The following ALG13 variants were observed in gnomAD, a reference collection of about 807,000 sequenced individuals.
ALG13 encodes UDP-N-acetylglucosamine transferase subunit ALG13.
In ALG13, 11 loss-of-function variants were observed where a neutral mutation model predicts 87.8. The ratio of observed to expected loss-of-function variants is 0.13; its 90% CI spans 0.08 to 0.21. ALG13 has a LOEUF of 0.21. Among genes scored for constraint, ALG13 ranks in the 10% least tolerant of loss-of-function variants. ALG13 has a pLI of 1.00. For missense variants in ALG13, 756 were observed against 866.1 expected (o/e 0.87, Z 1.60); for synonymous variants, 320 against 306.3 (o/e 1.04, Z -0.47).
chrX:111,744,469 A>G (rs1485571285), intron 23 of ALG13, among the ~76,000 whole-genome samples, 199 bp from the exon 24 acceptor site: 1 of 111,339 alleles, frequency 9.0e-6, no homozygotes, highest in Non-Finnish European at 1.9e-5. Context: ...TCTTAAATCA[A>G]AATGACCTGT....
intron 25 of ALG13, among the ~76,000 whole-genome samples, chrX:111,753,837 C>T (rs1164937760): frequency 9.0e-6 from 1 of 111,549 alleles, no homozygotes; most frequent in Non-Finnish European, 1.9e-5. Context: ...CCGAATTCTA[C>T]CAGAGGTACA....
intron 23 of ALG13, among the ~76,000 whole-genome samples, chrX:111,741,810 CAAAA>C (rs11311106): frequency 1.7e-5 from 1 of 57,313 alleles, no homozygotes; most frequent in African/African-American, 5.2e-5. Context: ...GACTTTGTCT[CAAAA>C]AAAAAAAAAA....
intron 19 of ALG13, among the ~76,000 whole-genome samples, chrX:111,729,699 T>C (rs775524421): frequency 8.9e-6 from 1 of 111,978 alleles, no homozygotes; most frequent in Non-Finnish European, 1.9e-5. Context: ...AACTGTCCGA[T>C]TGAGTATTGA....
rs372176416 is a variant in ALG13 at position 111,712,487 on chromosome X, A to T, written c.889A>T (p.Ser297Cys). The change falls in exon 7 of 27, where the codon AGT becomes TGT. Residue 297 changes from serine (S) to cysteine (C), a missense_variant. Transcript: ENST00000394780. ...YLERLGDPKE[S>C]AGQLEIRALS... ...TCAATACACTATTTATGTTTAGGAAAGTGCTGGCCAGCTGGAAATAAGAGC... is the reference window on the plus strand; with the variant it reads ...TCAATACACTATTTATGTTTAGGAATGTGCTGGCCAGCTGGAAATAAGAGC... 1.7e-6 allele frequency: 2 copies of T among 1,168,691 alleles called. No individual in the cohort carries two copies. Among genetic ancestry groups the T allele is most frequent in the Non-Finnish European group, 2.3e-6 (2 of 868,729 alleles).
At chrX:111,702,636 A>C (rs183799888) in intron 3 of ALG13, among the ~76,000 whole-genome samples, 1 of 110,444 alleles carries the variant, frequency 9.1e-6, no homozygotes, top group African/African-American at 3.3e-5. Context: ...GGAAATGCTT[A>C]TTTTCTAGTC....
In ALG13 at chrX:111,744,856, C is replaced by T. The variant is rs1172385892; in HGVS notation, c.2884C>T (p.Pro962Ser). The T allele has an allele frequency of 6.6e-6, 8 of 1,206,227 alleles. No homozygotes were observed. The highest frequency in any genetic ancestry group is 9.0e-6 in the Non-Finnish European group (8 of 893,343). Residue 962 changes from proline (P) to serine (S), a missense_variant, in exon 24 of 27, where the codon CCA becomes TCA. Pro to Ser is a moderately conservative substitution (Grantham distance 74, BLOSUM62 -1). Transcript: ENST00000394780. ...TSNLQPPPPL[P>S]PPPYSCDPSG... ...AAACTTACAACCACCACCACCACTA[C>T]CACCTCCACCTTATTCCTGTGATCC...
rs773345817 is a variant in ALG13, at chrX:111,717,541, CT to C, written c.1006-286del. Among the ~76,000 whole-genome samples the C allele has an allele frequency of 3.3e-3, 269 of 81,237 alleles. 1 individual carries two copies. Among genetic ancestry groups the C allele is most frequent in the South Asian group, 0.013 (24 of 1,806 alleles). The allele number at this position is 81,237 out of a possible 115,157, so 70.5% of individuals were successfully genotyped here. A position where few individuals can be genotyped will look rare whatever the true frequency, so the allele number is the denominator to read the frequency against. ...TCAATAACTCAATTTCTAAGTGTTC[CT>C]TTTTTTTTTTTTTTTTTTAGCAAAT... On this transcript the variant is annotated intron_variant, in intron 8 of 26. Coordinates refer to ENST00000394780, the MANE Select transcript of ALG13 (RefSeq NM_001099922.3).
rs1461394942 is a variant in ALG13, at chrX:111,682,198, C to T, written c.148C>T (p.Pro50Ser). 5.8e-6 allele frequency: 7 copies of T among 1,197,006 alleles called. No individual in the cohort carries two copies. The highest frequency in any genetic ancestry group is 2.3e-4 in the Middle Eastern group (1 of 4,323). The change falls in exon 2 of 27, where the codon CCC (proline) becomes TCC (serine). Residue 50 changes from proline to serine, a missense_variant. Physicochemically the swap from Pro to Ser is moderately conservative, Grantham distance 74. This residue lies in a region of ALG13 where 153 missense variants were observed against 168.7 expected (regional missense o/e 0.91). Transcript: ENST00000394780. ...QIGRGTVVPE[P>S]FSTESFTLDV... ...TGGTAGAGGAACGGTGGTACCTGAACCCTTCAGTACTGAGTCGTTTACTCT... is the reference window on the plus strand; with the variant it reads ...TGGTAGAGGAACGGTGGTACCTGAATCCTTCAGTACTGAGTCGTTTACTCT...
chrX:111,744,673 G>A lies in ALG13; in HGVS notation c.2701G>A (p.Ala901Thr). 1 of 1,184,626 alleles carries A rather than the reference G, an allele frequency of 8.4e-7. No homozygotes were observed. Among genetic ancestry groups the A allele is most frequent in the South Asian group, 1.9e-5 (1 of 53,868 alleles). The change falls in exon 24 of 27, where the codon GCC (alanine) becomes ACC (threonine). Residue 901 changes from alanine (A) to threonine (T), a missense_variant. Around this residue, in one of 9 missense-constraint regions of ALG13, gnomAD observed 362 missense variants for 383.5 expected, o/e 0.94. Coordinates refer to ENST00000394780, the MANE Select transcript of ALG13 (RefSeq NM_001099922.3). ...SPPTHGRPVI[A>T]SPSYPCHSAI... The stretch of plus-strand genomic sequence containing the variant: ...ATGTTTTGTTTCTTTGTTAGTGATT[G>A]CCTCACCATCCTATCCATGCCATTC...
rs1180608024 is a variant in ALG13, at chrX:111,736,783, G to A, written c.2599G>A (p.Gly867Ser). 9.1e-6 allele frequency: 11 copies of A among 1,208,485 alleles called. No individual in the cohort carries two copies. Among genetic ancestry groups the A allele is most frequent in the African/African-American group, 5.3e-5 (3 of 57,023 alleles). ...TGTTCCAGCTCCAGTCTTATCTAACGGTGCAGCGGCTAATCAAGCTATTAG... is the reference window on the plus strand; with the variant it reads ...TGTTCCAGCTCCAGTCTTATCTAACAGTGCAGCGGCTAATCAAGCTATTAG... ...NNVPAPVLSN[G>S]AAANQAISTT... The change falls in exon 23 of 27, where the codon GGT becomes AGT. Residue 867 changes from glycine to serine, a missense_variant. By Grantham distance (56) the Gly-to-Ser change is moderately conservative. Transcript: ENST00000394780.
chrX:111,738,130 A>G (rs142740723), intron 23 of ALG13, among the ~76,000 whole-genome samples: 486 of 112,775 alleles, frequency 4.3e-3, no homozygotes, highest in African/African-American at 0.015. Context: ...AAAGATATTA[A>G]TAATACAAAA....
In ALG13 at chrX:111,735,125, A is replaced by G. The variant is rs1943111596; in HGVS notation, c.2529+3A>G. 5 of 1,141,593 alleles carry G rather than the reference A, an allele frequency of 4.4e-6. No individual in the cohort carries two copies. The highest frequency in any genetic ancestry group is 4.8e-6 in the Non-Finnish European group (4 of 836,457). The allele number at this position is 1,141,593 out of a possible 1,213,427, so 94.1% of individuals were successfully genotyped here. On this transcript the variant is annotated splice_donor_region_variant and intron_variant, in intron 22 of 26. Transcript: ENST00000394780. ...CCTCATACAACTACCCCCAGAAGGT[A>G]ATCCTCATAGTGTTATTAAGCAGTT...
Position 111,718,175 on chromosome X carries a change from C to T in ALG13, c.1151C>T (p.Ala384Val), listed in dbSNP as rs1404130029. ...FVVDEEELKT[A>V]IKLFRSGSKK... ...GTGGATGAAGAAGAGTTGAAGACTG[C>T]GATTAAATTGTTTCGAAGTGGTTCT... The change falls in exon 10 of 27, where the codon GCG becomes GTG. Residue 384 changes from alanine (A) to valine (V), a missense_variant. Coordinates refer to ENST00000394780, the MANE Select transcript of ALG13 (RefSeq NM_001099922.3). 4 of 1,168,661 alleles carry T rather than the reference C, an allele frequency of 3.4e-6. No individual in the cohort carries two copies. The highest frequency in any genetic ancestry group is 3.4e-6 in the Non-Finnish European group (3 of 871,926).
chrX:111,706,923 C>CA (rs776803537), intron 3 of ALG13, among the ~76,000 whole-genome samples: 284 of 35,607 alleles, frequency 8.0e-3, no homozygotes, highest in East Asian at 0.014. Context: ...TCCACAGATA[C>CA]AAAAAAAAAA....
chrX:111,755,519 T>G (rs1945160625), intron 25 of ALG13, among the ~76,000 whole-genome samples: 1 of 112,348 alleles, frequency 8.9e-6, no homozygotes. Flanking sequence ...GAGAAAAGTT[T>G]TGCAATCTAT....
chrX:111,686,212 C>G, intron 3 of ALG13: 2 of 992,064 alleles, frequency 2.0e-6, no homozygotes, highest in Admixed American at 3.8e-5. Context: ...AAAACCTATC[C>G]TAGTTTGATG....
chrX:111,744,545 A>T, intron 23 of ALG13, 123 bp from the exon 24 acceptor site: 1 of 786,006 alleles, frequency 1.3e-6, no homozygotes, highest in Non-Finnish European at 1.8e-6. Context: ...AGTTTTTTTT[A>T]TACCCAAACC....
intron 21 of ALG13, among the ~76,000 whole-genome samples, chrX:111,734,632 A>T (rs1457502815): frequency 4.5e-5 from 5 of 111,960 alleles, no homozygotes; most frequent in Non-Finnish European, 9.4e-5. Flanking sequence ...GAATCTTACA[A>T]TATCTATTAA....
chrX:111,718,359 C>G, intron 10 of ALG13, 85 bp downstream of exon 10: 1 of 833,491 alleles, frequency 1.2e-6, no homozygotes, highest in Non-Finnish European at 1.7e-6. Context: ...GCCTGGCAAG[C>G]TTATGAGTTA....
Sources: allele counts gnomAD v4.1 joint callset (sites outside exome capture counted in the v4.1 genomes callset), GRCh38; gene constraint gnomAD v4.1.1; regional missense constraint gnomAD v4.1.1; transcripts MANE v1.5; gene names NCBI Gene and HGNC (gene_info 2026-07-23, HGNC 2026-07-21).